KANSL1: variants seen among roughly 807,000 people sequenced by gnomAD.
KANSL1 encodes the protein KAT8 regulatory NSL complex subunit 1, also known as MLL1/MLL complex subunit KANSL1.
Under a neutral mutation model 103.6 loss-of-function variants are expected in KANSL1, and 22 were observed. That is an observed-to-expected ratio of 0.21 (90% confidence interval 0.15 to 0.30). KANSL1 has a LOEUF of 0.30. Among genes scored for constraint, KANSL1 ranks in the 10% least tolerant of loss-of-function variants. The pLI is 1.00. For synonymous variants in KANSL1, 600 were observed against 527.6 expected, an observed-to-expected ratio of 1.14 and a Z score of -1.88; for missense variants, 1,337 against 1,399.8, an observed-to-expected ratio of 0.96 and a Z score of 0.72.
intron 1 of KANSL1, among the ~76,000 whole-genome samples, chr17:46,201,702 T>G (rs960373438): frequency 6.7e-6 from 1 of 149,486 alleles, no homozygotes; most frequent in African/African-American, 2.5e-5. Context: ...TGAGACCCTA[T>G]CTCTGAAAAA....
chr17:46,171,751 CAA>C lies in KANSL1; in HGVS notation c.391_392del (p.Leu131GlyfsTer8). The C allele has an allele frequency of 6.3e-7, 1 of 1,589,212 alleles. No homozygotes were observed. Among genetic ancestry groups the C allele is most frequent in the Non-Finnish European group, 8.5e-7 (1 of 1,170,044 alleles). ...TTCTAAGATTTTCTAAGGAAAACTC[CAA>C]AACTGGCTGTCTCCCCAACAGCTCA... ...RAELLGRQPV[L>X]EFSLENLRTM... is the part of the protein sequence containing the mutation. On this transcript the variant is annotated frameshift_variant, in exon 2 of 15. Transcript: ENST00000432791. LOFTEE classifies it high-confidence loss of function.
chr17:46,096,283 G>A (rs1043248920), intron 2 of KANSL1, among the ~76,000 whole-genome samples: 9 of 128,114 alleles, frequency 7.0e-5, no homozygotes, highest in African/African-American at 2.4e-4. Context: ...CTAGGATCAG[G>A]AGCATACTAC....
chr17:46,195,789 T>C (rs1317090375), upstream of KANSL1, among the ~76,000 whole-genome samples: 1 of 152,176 alleles, frequency 6.6e-6, no homozygotes, highest in East Asian at 1.9e-4. Flanking sequence ...GGTCTCGAAC[T>C]CCTGGACTCG....
chr17:46,210,923 G>A (rs1359533921), intron 1 of KANSL1, among the ~76,000 whole-genome samples: 1 of 152,160 alleles, frequency 6.6e-6, no homozygotes, highest in African/African-American at 2.4e-5. Context: ...TTCCCGTGTA[G>A]ACAAAATTGG....
At chr17:46,067,704 C>T in intron 4 of KANSL1, 37 bp from the exon 5 acceptor site, 2 of 1,026,874 alleles carry the variant, frequency 1.9e-6, no homozygotes, top group South Asian at 1.3e-5. Flanking sequence ...TTAACATGTA[C>T]CCAAGCGCAC....
rs532386916 is a variant in KANSL1, at chr17:46,097,909, G to A, written c.1290-3208C>T. Among the ~76,000 whole-genome samples the A allele has an allele frequency of 1.3e-3, 189 of 149,832 alleles. 5 individuals carry two copies. Among genetic ancestry groups the A allele is most frequent in the Non-Finnish European group, 2.4e-3 (160 of 68,012 alleles). ...ATAATTAAGACCAAGGGTAGTAATG[G>A]TATTTTAACTTTTGTATGGACCAAA... On this transcript the variant is annotated intron_variant, in intron 2 of 14. Transcript: ENST00000432791.
chr17:46,189,650 G>A (rs2047211961), intron 1 of KANSL1, among the ~76,000 whole-genome samples: 1 of 152,126 alleles, frequency 6.6e-6, no homozygotes, highest in Non-Finnish European at 1.5e-5. Flanking sequence ...CTGGGAGGCC[G>A]AGGCAGGTGG....
At position 46,038,519 on chromosome 17, in the gene KANSL1, A is replaced by G. The variant is rs767677684; in HGVS notation, c.2541+19T>C. Reference sequence around the variant, plus strand: ...GACCTGCAGAGGGGGTGTCCGGCCAACCCCACACAGGTACTTACCGATGTG... The same window carrying G: ...GACCTGCAGAGGGGGTGTCCGGCCAGCCCCACACAGGTACTTACCGATGTG... On this transcript the variant is annotated intron_variant, in intron 10 of 14. Transcript: ENST00000432791. 9 of 1,612,904 alleles carry G rather than the reference A, an allele frequency of 5.6e-6. No individual in the cohort carries two copies. Among genetic ancestry groups the G allele is most frequent in the Non-Finnish European group, 7.6e-6 (9 of 1,179,556 alleles).
intron 2 of KANSL1, among the ~76,000 whole-genome samples, chr17:46,157,995 A>G (rs930737209): frequency 6.6e-6 from 1 of 152,110 alleles, no homozygotes; most frequent in Non-Finnish European, 1.5e-5. Flanking sequence ...TCAGCTAAAA[A>G]CTCTCAAGAC....
intron 6 of KANSL1, among the ~76,000 whole-genome samples, chr17:46,055,682 C>A (rs2077900671): frequency 6.6e-6 from 1 of 151,958 alleles, no homozygotes. Flanking sequence ...ATGTAAGGAA[C>A]CATTCCCCAA....
intron 6 of KANSL1, among the ~76,000 whole-genome samples, chr17:46,056,663 CT>C (rs1227886709): frequency 2.0e-4 from 30 of 152,176 alleles, no homozygotes; most frequent in African/African-American, 7.2e-4. Flanking sequence ...CTTCTTAACA[CT>C]GTATAATATG....
At chr17:46,044,927 C>A in intron 7 of KANSL1, 1 of 151,962 alleles carries the variant, frequency 6.6e-6, no homozygotes, top group Non-Finnish European at 1.5e-5. Flanking sequence ...AGCTAAGTAT[C>A]ACATTCAAAC....
At position 46,205,447 on chromosome 17, in the gene KANSL1, C is replaced by T. The variant is rs150492587; in HGVS notation, c.-90+18224G>A. Among the ~76,000 whole-genome samples the T allele has an allele frequency of 2.1e-3, 310 of 150,452 alleles. 3 individuals carry two copies. Among genetic ancestry groups the T allele is most frequent in the African/African-American group, 7.2e-3 (295 of 40,838 alleles). ...CTGTAATCCCAGCACTTTGGGAGGC[C>T]GAGGCAGGCGGATCACTTGAGGTCA... On this transcript the variant is annotated intron_variant, in intron 1 of 14. Coordinates refer to the KANSL1 transcript ENST00000572904.
intron 1 of KANSL1, among the ~76,000 whole-genome samples, chr17:46,176,940 T>C (rs1445921250): frequency 6.6e-6 from 1 of 151,964 alleles, no homozygotes; most frequent in African/African-American, 2.4e-5. Flanking sequence ...AAATTCCCAT[T>C]CCTAATTCCT....
intron 2 of KANSL1, among the ~76,000 whole-genome samples, chr17:46,159,116 G>A (rs530460450): frequency 2.8e-4 from 42 of 152,330 alleles, no homozygotes; most frequent in African/African-American, 9.9e-4. Context: ...TATGGACCCT[G>A]TGGAAACTGC....
rs200903841 is a variant in KANSL1 at position 46,171,339 on chromosome 17, G to T, written c.805C>A (p.Pro269Thr). Reference sequence around the variant, plus strand: ...GCACTGAAAAGAATGGAAGACAGGGGAGACTTTTTACCCTCCAATTTGACA... The same window carrying T: ...GCACTGAAAAGAATGGAAGACAGGGTAGACTTTTTACCCTCCAATTTGACA... ...GGVKLEGKKSPLSSILFSALD... is the reference protein window; with the variant it reads ...GGVKLEGKKSTLSSILFSALD... The change falls in exon 2 of 15, where the codon CCC becomes ACC. Residue 269 changes from proline to threonine, a missense_variant. By Grantham distance (38) the Pro-to-Thr change is conservative. Coordinates refer to ENST00000432791, the MANE Select transcript of KANSL1 (RefSeq NM_015443.4). The T allele has an allele frequency of 6.2e-7, 1 of 1,614,174 alleles. No homozygotes were observed. Among genetic ancestry groups the T allele is most frequent in the South Asian group, 1.1e-5 (1 of 91,092 alleles).
rs542543248 is a variant in KANSL1 at position 46,031,489 on chromosome 17, G to T, written c.3305C>A (p.Pro1102Gln). The T allele has an allele frequency of 6.2e-7, 1 of 1,609,312 alleles. No individual in the cohort carries two copies. Among genetic ancestry groups the T allele is most frequent in the Non-Finnish European group, 8.5e-7 (1 of 1,176,848 alleles). Residue 1102 changes from proline to glutamine, a missense_variant, in exon 15 of 15, where the codon CCG (proline) becomes CAG (glutamine). By Grantham distance (76) the Pro-to-Gln change is moderately conservative. This residue lies in a region of KANSL1 where 780 missense variants were observed against 923.4 expected (regional missense o/e 0.84). Coordinates refer to ENST00000432791, the MANE Select transcript of KANSL1 (RefSeq NM_015443.4). ...HLVAAATAQR[P>Q]THR ...GCTGTCTCCCGCTCATCTGTGAGTC[G>T]GGCGCTGAGCTGTGGCTGCTGCCAC...
intron 1 of KANSL1, among the ~76,000 whole-genome samples, chr17:46,173,805 G>C (rs2046396287): frequency 6.6e-6 from 1 of 152,192 alleles, no homozygotes; most frequent in African/African-American, 2.4e-5. Context: ...CAAAAATTAT[G>C]AATTATCTTG....
At chr17:46,210,227 C>G (rs1232767557) in intron 1 of KANSL1, among the ~76,000 whole-genome samples, 1 of 152,118 alleles carries the variant, frequency 6.6e-6, no homozygotes, top group Admixed American at 6.5e-5. Flanking sequence ...GTAATCCCAG[C>G]ACTTTGGGAG....
Sources: allele counts gnomAD v4.1 joint callset (sites outside exome capture counted in the v4.1 genomes callset), GRCh38; gene constraint gnomAD v4.1.1; regional missense constraint gnomAD v4.1.1; transcripts MANE v1.5; gene names NCBI Gene and HGNC (gene_info 2026-07-23, HGNC 2026-07-21).